Variants in ACER1 observed in about 807,000 individuals in gnomAD.
ACER1 encodes alkaline ceramidase 1, also known as CTB-180A7.3.
A neutral mutation model predicts 24.9 loss-of-function variants in ACER1; 28 were observed. That is an observed-to-expected ratio of 1.13 (90% confidence interval 0.83 to 1.54). ACER1 has a LOEUF of 1.54. Ranked by LOEUF, ACER1 falls within the 40% of genes most tolerant of loss-of-function variation. ACER1 has a pLI of 0.00. For synonymous variants in ACER1, 132 were observed against 131.4 expected, an observed-to-expected ratio of 1.00 and a Z score of -0.03; for missense variants, 352 against 349.3, an observed-to-expected ratio of 1.01 and a Z score of -0.06.
chr19:6,341,804 A>AT, the ACER1 span, among the ~76,000 whole-genome samples: 1 of 151,848 alleles, frequency 6.6e-6, no homozygotes, highest in African/African-American at 2.4e-5. Flanking sequence ...AATTTTTTTT[A>AT]TTTTTAGTAG....
chr19:6,331,171 G>A (rs2091684809), intron 1 of ACER1, among the ~76,000 whole-genome samples: 1 of 136,098 alleles, frequency 7.3e-6, no homozygotes, highest in African/African-American at 3.2e-5. Context: ...TTTTTTTTGA[G>A]ATGAGGTCTC....
the ACER1 span, among the ~76,000 whole-genome samples, chr19:6,347,109 A>AAAAATATATATATATATAT: frequency 1.1e-4 from 12 of 113,774 alleles, no homozygotes; most frequent in East Asian, 1.6e-3. Context: ...AAAAAAAAAA[A>AAAAATATATATATATATAT]ATATATATAT....
rs766487268 is a variant in ACER1, at chr19:6,312,519, A to G, written c.94-20T>C. On this transcript the variant is annotated intron_variant, in intron 1 of 5. Transcript: ENST00000301452. Reference sequence around the variant, plus strand: ...GGAGAACTGGAGCAGAGAGAGCCATAGGGAGGAGCTCGTCAGATAGGGGAG... The same window carrying G: ...GGAGAACTGGAGCAGAGAGAGCCATGGGGAGGAGCTCGTCAGATAGGGGAG... 1.3e-6 allele frequency: 2 copies of G among 1,599,226 alleles called. No individual in the cohort carries two copies. The highest frequency in any genetic ancestry group is 1.7e-6 in the Non-Finnish European group (2 of 1,166,782).
intron 4 of ACER1, among the ~76,000 whole-genome samples, chr19:6,308,864 T>C (rs1427213828): frequency 6.6e-6 from 1 of 152,068 alleles, no homozygotes; most frequent in Non-Finnish European, 1.5e-5. Context: ...TGTGGGGCTA[T>C]TTTCTCTGCT....
At chr19:6,340,118 T>TA in the ACER1 span, among the ~76,000 whole-genome samples, 2 of 151,050 alleles carry the variant, frequency 1.3e-5, no homozygotes, top group South Asian at 2.1e-4. Flanking sequence ...CTACTAAAAA[T>TA]AAAAAAAATA....
rs755607744 is a variant in ACER1 at position 6,333,554 on chromosome 19, T to G, written c.-3A>C. 2 of 1,576,114 alleles carry G rather than the reference T, an allele frequency of 1.3e-6. No individual in the cohort carries two copies. Among genetic ancestry groups the G allele is most frequent in the Admixed American group, 1.8e-5 (1 of 54,652 alleles). On this transcript the variant is annotated 5_prime_UTR_variant, in exon 1 of 6. Transcript: ENST00000301452. ...TGATAGGCGAAGATGCTAGGCATCT[T>G]GTCTCAGTGGCCACCACCAGCCGGC...
chr19:6,319,529 T>TCATTCATTCATG (rs2091619986), intron 1 of ACER1, among the ~76,000 whole-genome samples: 1 of 151,850 alleles, frequency 6.6e-6, no homozygotes, highest in Admixed American at 6.6e-5. Flanking sequence ...ATTCATTCAT[T>TCATTCATTCATG]CATTTGTCCA....
At chr19:6,344,523 T>C in the ACER1 span, among the ~76,000 whole-genome samples, 6 of 151,888 alleles carry the variant, frequency 4.0e-5, no homozygotes, top group Admixed American at 1.3e-4. Context: ...GCCTCCCTAG[T>C]AGCTCGGACT....
At chr19:6,356,481 A>AAATAAATAAATAAAT in the ACER1 span, among the ~76,000 whole-genome samples, 2 of 142,980 alleles carry the variant, frequency 1.4e-5, no homozygotes, top group Admixed American at 6.9e-5. Flanking sequence ...AAAAATAAAT[A>AAATAAATAAATAAAT]AAATAAATAA....
chr19:6,324,147 C>A (rs960551257), intron 1 of ACER1, among the ~76,000 whole-genome samples: 1 of 150,804 alleles, frequency 6.6e-6, no homozygotes, highest in Non-Finnish European at 1.5e-5. Flanking sequence ...CAGCTTCAAG[C>A]GATTCTCCTG....
the ACER1 span, among the ~76,000 whole-genome samples, chr19:6,351,700 T>C: frequency 3.6e-5 from 5 of 140,196 alleles, no homozygotes; most frequent in South Asian, 2.1e-4. Context: ...GCTACTGCAC[T>C]CCAGCCTGGG....
At chr19:6,324,860 A>G (rs142964503) in intron 1 of ACER1, among the ~76,000 whole-genome samples, 42 of 100,330 alleles carry the variant, frequency 4.2e-4, no homozygotes, top group South Asian at 1.1e-3. Flanking sequence ...AGAGAGAGAG[A>G]AAGGAAGGAA....
the ACER1 span, among the ~76,000 whole-genome samples, chr19:6,357,159 C>T: frequency 6.6e-6 from 1 of 151,678 alleles, no homozygotes; most frequent in Non-Finnish European, 1.5e-5. Context: ...ATTCTCCTGC[C>T]TCAGTCTCTC....
At chr19:6,329,298 T>C (rs2091676249) in intron 1 of ACER1, among the ~76,000 whole-genome samples, 1 of 151,900 alleles carries the variant, frequency 6.6e-6, no homozygotes, top group Non-Finnish European at 1.5e-5. Flanking sequence ...AAGCCCTTTC[T>C]CACATAACTC....
At chr19:6,310,129 C>T (rs1251011882) in intron 3 of ACER1, among the ~76,000 whole-genome samples, 1 of 151,864 alleles carries the variant, frequency 6.6e-6, no homozygotes, top group Non-Finnish European at 1.5e-5. Context: ...GCTCTGTCGC[C>T]CAGGCTGGAG....
At chr19:6,307,316 G>C in intron 4 of ACER1, 26 bp from the exon 5 acceptor site, 1 of 1,612,584 alleles carries the variant, frequency 6.2e-7, no homozygotes, top group South Asian at 1.1e-5. Flanking sequence ...GGGGACCAGG[G>C]GCTGGCTCGG....
chr19:6,341,055 T>G, the ACER1 span, among the ~76,000 whole-genome samples: 1 of 151,868 alleles, frequency 6.6e-6, no homozygotes, highest in East Asian at 2.0e-4. Context: ...CATGTCCTGT[T>G]CTCCACCTTC....
At chr19:6,308,816 G>A (rs1198889721) in intron 4 of ACER1, among the ~76,000 whole-genome samples, 1 of 152,146 alleles carries the variant, frequency 6.6e-6, no homozygotes, top group East Asian at 1.9e-4. Flanking sequence ...ACAAAATGTG[G>A]GTGGTTGTTG....
chr19:6,326,095 C>T (rs1334020603), intron 1 of ACER1, among the ~76,000 whole-genome samples: 1 of 150,068 alleles, frequency 6.7e-6, no homozygotes, highest in African/African-American at 2.4e-5. Context: ...GCTGGGACCA[C>T]AAGTGTGCAC....
Sources: gnomAD v4.1 joint callset for allele counts (sites outside exome capture counted in the v4.1 genomes callset) on GRCh38, gnomAD v4.1.1 for gene constraint, MANE v1.5 for transcripts, NCBI Gene and HGNC (gene_info 2026-07-23, HGNC 2026-07-21) for gene names.